Variants in GPR179 observed in about 807,000 individuals in gnomAD.
The protein encoded by GPR179 is G protein-coupled receptor 179, also known as probable G protein-coupled receptor 179.
Under a neutral mutation model 70.8 loss-of-function variants are expected in GPR179, and 52 were observed. The ratio of observed to expected loss-of-function variants is 0.73; its 90% confidence interval spans 0.59 to 0.93. The LOEUF is 0.93. GPR179 is among the 40% of genes least tolerant of loss of function. The probability of loss-of-function intolerance (pLI) is 0.00; values close to 1 mark genes in which losing one functional copy is unlikely to be tolerated. For synonymous variants in GPR179, 1,123 were observed against 1,169.0 expected, an observed-to-expected ratio of 0.96 and a Z score of 0.80; for missense variants, 2,734 against 2,966.8, an observed-to-expected ratio of 0.92 and a Z score of 1.82.
In GPR179 at chr17:38,329,302, C is replaced by T; in HGVS notation, c.4267G>A (p.Asp1423Asn). ...TCCCATGGACAAAGAGACTCCAAGT[C>T]TCCTCCCGGTTTCTGTTCTTTCCAA... ...TFWKEQKPGG[D>N]LESLCPWEST... is the part of the protein sequence containing the mutation. The change falls in exon 11 of 11, where the codon GAC (aspartate) becomes AAC (asparagine). Residue 1423 changes from aspartate (D) to asparagine (N), a missense_variant. Coordinates refer to ENST00000616987, the MANE Select transcript of GPR179 (RefSeq NM_001004334.4). The T allele has an allele frequency of 6.2e-7, 1 of 1,612,720 alleles. No homozygotes were observed. The highest frequency in any genetic ancestry group is 8.5e-7 in the Non-Finnish European group (1 of 1,179,424).
rs762577926 is a variant in GPR179 at position 38,328,924 on chromosome 17, A to C, written c.4645T>G (p.Cys1549Gly). 4 of 1,614,176 alleles carry C rather than the reference A, an allele frequency of 2.5e-6. No homozygotes were observed. In the South Asian group the frequency reaches 3.3e-5, roughly 13 times the overall value. Residue 1549 changes from cysteine (C) to glycine (G), a missense_variant, in exon 11 of 11, where the codon TGT becomes GGT. Cys to Gly is a radical substitution (Grantham distance 159, BLOSUM62 -3). Coordinates refer to ENST00000616987, the MANE Select transcript of GPR179 (RefSeq NM_001004334.4). ...GCTTTGGATGAGGAATTGTCTAGAC[A>C]TGGGCTGGAGTGCCCAGGGACCGTG... is the stretch of plus-strand genomic sequence containing the variant. ...ESTVPGHSSP[C>G]LDNSSSKAGS...
Position 38,337,662 on chromosome 17 carries a change from G to GCTTC in GPR179, c.961_962insGAAG (p.Pro321ArgfsTer17). 6.3e-7 allele frequency: 1 copy of GCTTC among 1,598,628 alleles called. No individual in the cohort carries two copies. Among genetic ancestry groups the GCTTC allele is most frequent in the South Asian group, 1.1e-5 (1 of 88,862 alleles). On this transcript the variant is annotated frameshift_variant, in exon 3 of 11. Transcript: ENST00000616987. LOFTEE classifies it high-confidence loss of function. ...AGAGGGGCTTGCCCCGTAGAATCCA[G>GCTTC]GTCGGCAGCGGCAGAGGTAGCGGCC...
At position 38,337,113 on chromosome 17, in the gene GPR179, G is replaced by T; in HGVS notation, c.1092C>A (p.Thr364=). Residue 364 remains threonine, a synonymous_variant, in exon 4 of 11, where the codon ACC becomes ACA. Coordinates refer to ENST00000616987, the MANE Select transcript of GPR179 (RefSeq NM_001004334.4). Reference sequence around the variant, plus strand: ...GGCACGGTGTGGCATCCATGCAGCTGGTGCAGCCCTCAGGACATGGCAGAC... The same window carrying T: ...GGCACGGTGTGGCATCCATGCAGCTTGTGCAGCCCTCAGGACATGGCAGAC... The part of the protein sequence containing the change: ...LQCLPCPEGC[T]SCMDATPCLV... 1 of 1,611,934 alleles carries T rather than the reference G, an allele frequency of 6.2e-7. No homozygotes were observed. The highest frequency in any genetic ancestry group is 8.5e-7 in the Non-Finnish European group (1 of 1,179,296).
Position 38,330,937 on chromosome 17 carries a change from C to A in GPR179, c.2632G>T (p.Ala878Ser), listed in dbSNP as rs373489712. 5 of 1,609,874 alleles carry A rather than the reference C, an allele frequency of 3.1e-6. No individual in the cohort carries two copies. Among genetic ancestry groups the A allele is most frequent in the Non-Finnish European group, 4.2e-6 (5 of 1,178,542 alleles). The change falls in exon 11 of 11, where the codon GCC becomes TCC. Residue 878 changes from alanine (A) to serine (S), a missense_variant. By Grantham distance (99) the Ala-to-Ser change is moderately conservative. Transcript: ENST00000616987. ...EREERKKAKA[A>S]MASLVRRPSA... The stretch of plus-strand genomic sequence containing the variant: ...GGCCTCCGCACCAGGCTGGCCATGG[C>A]TGCCTTGGCCTTCTTCCGCTCCTCC...
At chr17:38,340,775 G>A (rs542769017) in intron 1 of GPR179, among the ~76,000 whole-genome samples, 4 of 152,210 alleles carry the variant, frequency 2.6e-5, no homozygotes, top group African/African-American at 7.2e-5. Flanking sequence ...AAAATCAGCC[G>A]GGCATGGTGG....
chr17:38,335,365 C>T (rs536697713), intron 6 of GPR179, 94 bp from the exon 7 acceptor site: 6 of 942,572 alleles, frequency 6.4e-6, no homozygotes, highest in South Asian at 1.6e-5. Flanking sequence ...TTGCTGCCCT[C>T]TCCTCCACAC....
At position 38,327,266 on chromosome 17, in the gene GPR179, A is replaced by G; in HGVS notation, c.6303T>C (p.Ser2101=). Residue 2101 remains serine (S), a synonymous_variant, in exon 11 of 11, where the codon TCT becomes TCC. Transcript: ENST00000616987. ...TGGTCTCCACACTGCCTGCTGCCTC[A>G]GAACTGCCTCTGCTTCTGTCAGAAG... ...PDASDRSRGS[S]EAAGSVETRV... 6.2e-7 allele frequency: 1 copy of G among 1,614,224 alleles called. No homozygotes were observed. The highest frequency in any genetic ancestry group is 8.5e-7 in the Non-Finnish European group (1 of 1,180,038).
At position 38,343,089 on chromosome 17, in the gene GPR179, A is replaced by G. The variant is rs1282477011; in HGVS notation, c.701T>C (p.Leu234Pro). The G allele has an allele frequency of 6.2e-7, 1 of 1,614,062 alleles. No individual in the cohort carries two copies. The highest frequency in any genetic ancestry group is 1.3e-5 in the African/African-American group (1 of 74,930). ...TCGGAGCCGTCCCTCCTGGCATTCC[A>G]GGAAAGGAGGAGACAGCCTCACCTG... Reference protein sequence around the residue: ...TQQVRLSPPFLECQEGRLRPG... With the variant: ...TQQVRLSPPFPECQEGRLRPG... The change falls in exon 1 of 11, where the codon CTG becomes CCG. Residue 234 changes from leucine to proline, a missense_variant. Physicochemically the swap from Leu to Pro is moderately conservative, Grantham distance 98 (BLOSUM62 -3). Coordinates refer to ENST00000616987, the MANE Select transcript of GPR179 (RefSeq NM_001004334.4). This position sits in a 1 kb window ranked among gnomAD's most constrained non-coding sequence, Gnocchi z 4.2.
Position 38,337,074 on chromosome 17 carries a change from G to A in GPR179, c.1131C>T (p.Ala377=), listed in dbSNP as rs934240376. The change falls in exon 4 of 11, where the codon GCC becomes GCT. Residue 377 remains alanine, a synonymous_variant. Transcript: ENST00000616987. ...CCAGCACAGCGGCCCGCAGCACCGCGGCCTCTTCCACCAGGCACGGTGTGG... is the reference window on the plus strand; with the variant it reads ...CCAGCACAGCGGCCCGCAGCACCGCAGCCTCTTCCACCAGGCACGGTGTGG... The part of the protein sequence containing the change: ...MDATPCLVEE[A]AVLRAAVLAC... The A allele has an allele frequency of 5.6e-6, 9 of 1,609,120 alleles. No homozygotes were observed. Among genetic ancestry groups the A allele is most frequent in the South Asian group, 2.2e-5 (2 of 90,118 alleles).
intron 1 of GPR179, among the ~76,000 whole-genome samples, chr17:38,340,642 G>T (rs1286254276): frequency 2.0e-5 from 3 of 152,206 alleles, no homozygotes; most frequent in African/African-American, 7.2e-5. Context: ...AATAGGCGGG[G>T]TGCAGTGGCT....
rs1158201197 is a variant in GPR179, at chr17:38,327,272, G to A, written c.6297C>T (p.Gly2099=). 1.2e-6 allele frequency: 2 copies of A among 1,614,090 alleles called. No homozygotes were observed. The highest frequency in any genetic ancestry group is 1.7e-5 in the Admixed American group (1 of 60,006). Residue 2099 remains glycine, a synonymous_variant, in exon 11 of 11, where the codon GGC becomes GGT. Coordinates refer to ENST00000616987, the MANE Select transcript of GPR179 (RefSeq NM_001004334.4). Reference sequence around the variant, plus strand: ...CCACACTGCCTGCTGCCTCAGAACTGCCTCTGCTTCTGTCAGAAGCATCTG... The same window carrying A: ...CCACACTGCCTGCTGCCTCAGAACTACCTCTGCTTCTGTCAGAAGCATCTG... ...PAPDASDRSR[G]SSEAAGSVET...
chr17:38,333,631 G>GCTCTCCCAC (rs1314201283), intron 9 of GPR179, among the ~76,000 whole-genome samples: 1 of 152,168 alleles, frequency 6.6e-6, no homozygotes, highest in Non-Finnish European at 1.5e-5. Flanking sequence ...GGGTCCTTCA[G>GCTCTCCCAC]CTCTCCCACC....
Position 38,327,884 on chromosome 17 carries a change from G to A in GPR179, c.5685C>T (p.Pro1895=), listed in dbSNP as rs754000852. The A allele has an allele frequency of 6.2e-7, 1 of 1,614,158 alleles. No homozygotes were observed. The highest frequency in any genetic ancestry group is 8.5e-7 in the Non-Finnish European group (1 of 1,180,024). The change falls in exon 11 of 11, where the codon CCC becomes CCT. Residue 1895 remains proline (P), a synonymous_variant. Transcript: ENST00000616987. ...CTGCCACTTCACTACTCATGCTGCT[G>A]GGCAAGTCTGAGATCTTGGGGGCCT... ...PAQAPKISDL[P]SSMSSEVAEG... is the part of the protein sequence containing the mutation.
rs763094322 is a variant in GPR179 at position 38,326,460 on chromosome 17, G to A, written c.*5C>T. On this transcript the variant is annotated 3_prime_UTR_variant, in exon 11 of 11. Transcript: ENST00000616987. The stretch of plus-strand genomic sequence containing the variant: ...CTCTGTGTTTGACCTCACCTAATAA[G>A]GCTGTTACTCCCAATCCCAAGGATA... The A allele has an allele frequency of 3.1e-6, 5 of 1,592,032 alleles. No homozygotes were observed. In the South Asian group the frequency reaches 3.4e-5, roughly 11 times the overall value.
Position 38,331,458 on chromosome 17 carries a change from AG to A in GPR179, c.2110del (p.Leu704CysfsTer17). On this transcript the variant is annotated frameshift_variant, in exon 11 of 11. Transcript: ENST00000616987. LOFTEE classifies it low-confidence loss of function (END_TRUNC). ...TKEMAANNPH[L>X]PKKRGSSCQG... ...GCATGAGCTGCCTCGCTTCTTGGGC[AG>A]GTGGGGGTTGTTTGCGGCCATTTCC... 6.2e-7 allele frequency: 1 copy of A among 1,614,090 alleles called. No individual in the cohort carries two copies. Among genetic ancestry groups the A allele is most frequent in the Non-Finnish European group, 8.5e-7 (1 of 1,179,960 alleles).
At position 38,330,340 on chromosome 17, in the gene GPR179, C is replaced by T; in HGVS notation, c.3229G>A (p.Ala1077Thr). The change falls in exon 11 of 11, where the codon GCC (alanine) becomes ACC (threonine). Residue 1077 changes from alanine to threonine, a missense_variant. Ala to Thr is a moderately conservative substitution (Grantham distance 58). Transcript: ENST00000616987. Reference sequence around the variant, plus strand: ...CGCATGGAACCCTGCTGAACAGGGGCCTTGAGGCTGTGGGATTTAGGGAAG... The same window carrying T: ...CGCATGGAACCCTGCTGAACAGGGGTCTTGAGGCTGTGGGATTTAGGGAAG... ...KIFPKSHSLKAPVQQGSMRSL... is the reference protein window; with the variant it reads ...KIFPKSHSLKTPVQQGSMRSL... The T allele has an allele frequency of 6.2e-7, 1 of 1,613,990 alleles. No individual in the cohort carries two copies. Among genetic ancestry groups the T allele is most frequent in the Non-Finnish European group, 8.5e-7 (1 of 1,179,948 alleles).
At position 38,329,798 on chromosome 17, in the gene GPR179, G is replaced by C; in HGVS notation, c.3771C>G (p.Asp1257Glu). 1 of 1,614,078 alleles carries C rather than the reference G, an allele frequency of 6.2e-7. No individual in the cohort carries two copies. Among genetic ancestry groups the C allele is most frequent in the African/African-American group, 1.3e-5 (1 of 75,000 alleles). The change falls in exon 11 of 11, where the codon GAC becomes GAG. Residue 1257 changes from aspartate to glutamate, a missense_variant. Physicochemically the swap from Asp to Glu is conservative, Grantham distance 45. Coordinates refer to ENST00000616987, the MANE Select transcript of GPR179 (RefSeq NM_001004334.4). ...EVTESETRQP[D>E]SGNKAEICPW... ...GGCAGATTTCGGCCTTGTTGCCACT[G>C]TCTGGCTGACGCGTTTCTGATTCAG...
chr17:38,342,632 C>G (rs1044663986), intron 1 of GPR179, among the ~76,000 whole-genome samples: 15 of 152,230 alleles, frequency 9.9e-5, no homozygotes, highest in Non-Finnish European at 2.2e-4. Flanking sequence ...AGCCACTGCA[C>G]CCAGCTATAC....
chr17:38,331,419 C>T lies in GPR179; in HGVS notation c.2150G>A (p.Arg717His), dbSNP rs757722345. 3.8e-5 allele frequency: 61 copies of T among 1,613,998 alleles called. No individual in the cohort carries two copies. The highest frequency in any genetic ancestry group is 5.0e-5 in the Admixed American group (3 of 60,000). The part of the protein sequence containing the change: ...KRGSSCQGLG[R>H]SFMRYLAEFP... ...TTCCGCCAGGTACCTCATGAAGGAG[C>T]GGCCCAGTCCCTGGCATGAGCTGCC... is the stretch of plus-strand genomic sequence containing the variant. Residue 717 changes from arginine to histidine, a missense_variant, in exon 11 of 11, where the codon CGC (arginine) becomes CAC (histidine). Arg to His is a conservative substitution (Grantham distance 29). Coordinates refer to ENST00000616987, the MANE Select transcript of GPR179 (RefSeq NM_001004334.4).
Sources: gnomAD v4.1 joint callset for allele counts (sites outside exome capture counted in the v4.1 genomes callset) on GRCh38, gnomAD v4.1.1 for gene constraint, Gnocchi (gnomAD v3.1) non-coding constraint, MANE v1.5 for transcripts, NCBI Gene and HGNC (gene_info 2026-07-23, HGNC 2026-07-21) for gene names.